Variants in ERC1 observed in about 807,000 individuals in gnomAD.
ERC1 encodes RAB6 interacting protein 2.
Under a neutral mutation model 132.0 loss-of-function variants are expected in ERC1, and 56 were observed. The ratio of observed to expected loss-of-function variants is 0.42; its 90% CI spans 0.34 to 0.53. The LOEUF (loss-of-function observed/expected upper bound fraction) is 0.53. Ranked by LOEUF, ERC1 falls within the 20% of genes least tolerant of loss-of-function variation. The probability of loss-of-function intolerance (pLI) is 0.03; values close to 1 mark genes in which losing one functional copy is unlikely to be tolerated. For synonymous variants in ERC1, 478 were observed against 476.1 expected (o/e 1.00, Z -0.05); for missense variants, 1,202 against 1,349.9 (o/e 0.89, Z 1.72).
At chr12:1,407,184 C>G (rs1317890993) in intron 16 of ERC1, among the ~76,000 whole-genome samples, 3 of 152,026 alleles carry the variant, frequency 2.0e-5, no homozygotes, top group Non-Finnish European at 4.4e-5. Context: ...GATTATAGTC[C>G]TTTTCTGGCT....
intron 8 of ERC1, among the ~76,000 whole-genome samples, chr12:1,155,579 C>T (rs1379711371): frequency 1.3e-5 from 2 of 152,002 alleles, no homozygotes; most frequent in Non-Finnish European, 2.9e-5. Flanking sequence ...TGGGTTCACA[C>T]CATTCTCCTG....
chr12:1,476,800 A>G lies in ERC1; in HGVS notation c.3214-13293A>G, dbSNP rs185787091. On this transcript the variant is annotated intron_variant, in intron 18 of 18. Transcript: ENST00000360905. ...GAAAATCATAGACATGCAAAGATTTATGTATGGGAAAATGTAATACATTAA... is the reference window on the plus strand; with the variant it reads ...GAAAATCATAGACATGCAAAGATTTGTGTATGGGAAAATGTAATACATTAA... Among the ~76,000 whole-genome samples, 30 of 152,360 alleles carry G rather than the reference A, an allele frequency of 2.0e-4. No homozygotes were observed. The East Asian group carries it at 5.8e-3, about 29-fold the overall frequency.
At position 1,028,142 on chromosome 12, in the gene ERC1, T is replaced by C; in HGVS notation, c.239T>C (p.Val80Ala). ...ATGTATCTAAGTGACCATGAAAATG[T>C]GGGTTCAGAAACACCTAAAAGCACC... ...GPMYLSDHEN[V>A]GSETPKSTMT... The change falls in exon 2 of 19, where the codon GTG becomes GCG. Residue 80 changes from valine to alanine, a missense_variant. Val to Ala is a moderately conservative substitution (Grantham distance 64). Transcript: ENST00000360905. 6.2e-7 allele frequency: 1 copy of C among 1,614,190 alleles called. No homozygotes were observed. The highest frequency in any genetic ancestry group is 1.3e-5 in the African/African-American group (1 of 75,042).
chr12:1,485,427 A>T (rs1011657868), intron 18 of ERC1, among the ~76,000 whole-genome samples: 12 of 148,614 alleles, frequency 8.1e-5, no homozygotes, highest in South Asian at 4.2e-4. Context: ...CTGGTCTTGA[A>T]CTCCTGACCT....
intron 15 of ERC1, among the ~76,000 whole-genome samples, chr12:1,299,490 T>TG (rs1202676572): frequency 6.6e-6 from 1 of 152,196 alleles, no homozygotes; most frequent in African/African-American, 2.4e-5. Context: ...GTTTCACAGT[T>TG]GAAAAAGTGG....
intron 15 of ERC1, among the ~76,000 whole-genome samples, chr12:1,349,529 T>G (rs985762706): frequency 3.9e-5 from 6 of 151,964 alleles, no homozygotes; most frequent in Non-Finnish European, 5.9e-5. Flanking sequence ...CCAGGCATAG[T>G]GCCATACGTC....
chr12:1,313,581 A>C (rs1232557964), intron 15 of ERC1, among the ~76,000 whole-genome samples: 1 of 152,158 alleles, frequency 6.6e-6, no homozygotes, highest in East Asian at 1.9e-4. Flanking sequence ...CACCTCCCAT[A>C]TGTAAATCAA....
At chr12:1,173,402 G>A (rs1393703058) in intron 8 of ERC1, among the ~76,000 whole-genome samples, 1 of 152,122 alleles carries the variant, frequency 6.6e-6, no homozygotes, top group Non-Finnish European at 1.5e-5. Flanking sequence ...TTTATTTTAG[G>A]GGTTCTGTGG....
intron 12 of ERC1, among the ~76,000 whole-genome samples, chr12:1,202,246 C>T (rs1294838777): frequency 6.6e-6 from 1 of 152,160 alleles, no homozygotes; most frequent in Admixed American, 6.5e-5. Flanking sequence ...TAGTTTGTTA[C>T]TGTGGTCTTA....
chr12:1,187,200 T>C (rs183603987), intron 11 of ERC1, among the ~76,000 whole-genome samples: 1 of 152,322 alleles, frequency 6.6e-6, no homozygotes, highest in East Asian at 1.9e-4. Context: ...TTTGAGTTTG[T>C]ATTATAATTT....
intron 2 of ERC1, among the ~76,000 whole-genome samples, chr12:1,044,026 T>C (rs144071700): frequency 2.0e-4 from 31 of 152,320 alleles, no homozygotes; most frequent in East Asian, 1.7e-3. Context: ...TATCTGTGCA[T>C]TTCAGGATAG....
intron 16 of ERC1, among the ~76,000 whole-genome samples, chr12:1,392,757 C>T (rs1441994367): frequency 6.6e-6 from 1 of 152,134 alleles, no homozygotes; most frequent in Non-Finnish European, 1.5e-5. Flanking sequence ...AGATACTTTT[C>T]TATAATTAAC....
Position 1,266,381 on chromosome 12 carries a change from C to A in ERC1, c.2619+3216C>A, listed in dbSNP as rs59293723. Among the ~76,000 whole-genome samples, 246 of 108,706 alleles carry A rather than the reference C, an allele frequency of 2.3e-3. 1 individual carries two copies. Among genetic ancestry groups the A allele is most frequent in the African/African-American group, 8.1e-3 (234 of 28,768 alleles). The allele number at this position is 108,706 out of a possible 152,430, so 71.3% of individuals were successfully genotyped here. On this transcript the variant is annotated intron_variant, in intron 14 of 18. Transcript: ENST00000360905. The stretch of plus-strand genomic sequence containing the variant: ...TCCCATTTTTTATTATTATTTTTAT[C>A]GTTTCCTGTCTTTTTTTTTTTTTTT...
intron 9 of ERC1, among the ~76,000 whole-genome samples, chr12:1,180,914 C>T (rs985740355): frequency 1.3e-4 from 19 of 151,980 alleles, no homozygotes; most frequent in South Asian, 4.1e-4. Flanking sequence ...CAGGTTCAAG[C>T]GATTCTCCTG....
chr12:1,380,452 C>T (rs1289534901), intron 16 of ERC1: 2 of 152,262 alleles, frequency 1.3e-5, no homozygotes, highest in African/African-American at 2.4e-5. Context: ...ATCAACAAGT[C>T]TGATGGAATG....
At chr12:1,121,484 A>G (rs921760598) in intron 7 of ERC1, among the ~76,000 whole-genome samples, 6 of 152,350 alleles carry the variant, frequency 3.9e-5, no homozygotes, top group Non-Finnish European at 5.9e-5. Flanking sequence ...ATGGAATTAC[A>G]TAGCCTCAGA....
intron 8 of ERC1, among the ~76,000 whole-genome samples, chr12:1,156,566 A>G (rs1471420512): frequency 6.6e-6 from 1 of 152,232 alleles, no homozygotes; most frequent in Non-Finnish European, 1.5e-5. Context: ...ATAACGCATA[A>G]TGACATAACC....
At chr12:1,066,615 T>G (rs779856470) in intron 2 of ERC1, among the ~76,000 whole-genome samples, 1 of 152,122 alleles carries the variant, frequency 6.6e-6, no homozygotes, top group Non-Finnish European at 1.5e-5. Flanking sequence ...GGCAGGTGGA[T>G]CACGTGAGGT....
chr12:1,381,184 C>T (rs1383162554), intron 16 of ERC1: 1 of 152,186 alleles, frequency 6.6e-6, no homozygotes, highest in African/African-American at 2.4e-5. Context: ...CATCAGCCTC[C>T]CAGCTGTCCT....
Sources: gnomAD v4.1 joint callset for allele counts (sites outside exome capture counted in the v4.1 genomes callset) on GRCh38, gnomAD v4.1.1 for gene constraint, MANE v1.5 for transcripts, NCBI Gene and HGNC (gene_info 2026-07-23, HGNC 2026-07-21) for gene names.